Variants in MTF2 observed in about 807,000 individuals in gnomAD.
MTF2 encodes metal-response element-binding transcription factor 2.
Under a neutral mutation model 79.5 loss-of-function variants are expected in MTF2, and 11 were observed. That is an observed-to-expected ratio of 0.14 (90% CI 0.09 to 0.23). The LOEUF (loss-of-function observed/expected upper bound fraction) is 0.23, where lower values mean the gene tolerates loss of function less well. Among genes scored for constraint, MTF2 ranks in the 10% least tolerant of loss-of-function variants. MTF2 has a pLI of 1.00. For synonymous variants in MTF2, 208 were observed against 232.8 expected, an observed-to-expected ratio of 0.89 and a Z score of 0.97; for missense variants, 486 against 711.2, an observed-to-expected ratio of 0.68 and a Z score of 3.60.
chr1:93,090,666 T>G (rs1310735448), intron 1 of MTF2, among the ~76,000 whole-genome samples: 1 of 143,902 alleles, frequency 6.9e-6, no homozygotes, highest in Non-Finnish European at 1.6e-5. Context: ...TTTTCCTAGT[T>G]TTTTTTTTTT....
At position 93,137,184 on chromosome 1, in the gene MTF2, A is replaced by G. The variant is rs183827997; in HGVS notation, c.*157A>G. ...ATACTAGCCTTAACATGTACCTGTC[A>G]ATGTTATGGATATTGTCATAAAAAG... On this transcript the variant is annotated 3_prime_UTR_variant, in exon 15 of 15. Transcript: ENST00000370298. 213 of 541,074 alleles carry G rather than the reference A, an allele frequency of 3.9e-4. No homozygotes were observed. Among genetic ancestry groups the G allele is most frequent in the African/African-American group, 2.9e-3 (154 of 53,410 alleles). 33.5% of individuals were successfully genotyped at this position (541,074 alleles called of 1,614,324 possible).
rs1334020681 is a variant in MTF2, at chr1:93,115,445, T to C, written c.484-25T>C. The stretch of plus-strand genomic sequence containing the variant: ...GTTTAAAATTTTAGCCTTCACTCTT[T>C]CACATTTTTTTCCCTCTAATGTAGA... On this transcript the variant is annotated intron_variant, in intron 5 of 14. Transcript: ENST00000370298. 4.0e-6 allele frequency: 6 copies of C among 1,509,700 alleles called. No homozygotes were observed. The East Asian group carries it at 7.0e-5, about 18-fold the overall frequency. The allele number at this position is 1,509,700 out of a possible 1,614,324, so 93.5% of individuals were successfully genotyped here. A position where few individuals can be genotyped will look rare whatever the true frequency, so the allele number is the denominator to read the frequency against.
chr1:93,102,909 A>G lies in MTF2; in HGVS notation c.6-7321A>G, dbSNP rs547590802. On this transcript the variant is annotated intron_variant, in intron 1 of 14. Transcript: ENST00000370298. The stretch of plus-strand genomic sequence containing the variant: ...CACTTTGGAAGGCCGAGGCGGGCAA[A>G]TCACGAGGTCAGGAGTTCAAGACCA... Among the ~76,000 whole-genome samples, 13 of 152,264 alleles carry G rather than the reference A, an allele frequency of 8.5e-5. No homozygotes were observed. In the South Asian group the frequency reaches 2.3e-3, roughly 27 times the overall value.
At chr1:93,092,337 G>C (rs1451037066) in intron 1 of MTF2, among the ~76,000 whole-genome samples, 2 of 151,952 alleles carry the variant, frequency 1.3e-5, no homozygotes, top group Admixed American at 6.5e-5. Flanking sequence ...CACTGCTTTT[G>C]GTTTGTCTTC....
At chr1:93,119,422 TAAAAG>T (rs1394413149) in intron 8 of MTF2, 21 bp downstream of exon 8, 3 of 1,546,932 alleles carry the variant, frequency 1.9e-6, no homozygotes, top group Non-Finnish European at 2.6e-6. Context: ...ACCTTTCTGT[TAAAAG>T]AAAGAAAAGC....
chr1:93,121,427 G>A lies in MTF2; in HGVS notation c.921+755G>A, dbSNP rs146750340. The A allele has an allele frequency of 1.6e-5, 14 of 901,804 alleles. No homozygotes were observed. In the East Asian group the frequency reaches 8.3e-4, roughly 54 times the overall value. The allele number at this position is 901,804 out of a possible 1,614,324, so 55.9% of individuals were successfully genotyped here. On this transcript the variant is annotated intron_variant, in intron 9 of 14. Transcript: ENST00000370298. ...ACTAAAAAATTTGTTTTATAATATGGAATTTGATATGTATATCTTAGTCAT... is the reference window on the plus strand; with the variant it reads ...ACTAAAAAATTTGTTTTATAATATGAAATTTGATATGTATATCTTAGTCAT...
chr1:93,099,842 GCA>G (rs780244543), intron 1 of MTF2, among the ~76,000 whole-genome samples: 4 of 152,076 alleles, frequency 2.6e-5, no homozygotes, highest in Non-Finnish European at 5.9e-5. Context: ...GAAACAGGAG[GCA>G]ACAAAGGGAT....
At chr1:93,100,565 C>T (rs1655490075) in intron 1 of MTF2, among the ~76,000 whole-genome samples, 1 of 152,160 alleles carries the variant, frequency 6.6e-6, no homozygotes, top group Non-Finnish European at 1.5e-5. Flanking sequence ...CCTCGGCCTC[C>T]CAAAGTGCTG....
At chr1:93,123,716 T>A (rs1239827640) in intron 9 of MTF2, among the ~76,000 whole-genome samples, 2 of 152,052 alleles carry the variant, frequency 1.3e-5, no homozygotes, top group African/African-American at 4.8e-5. Flanking sequence ...AATTACTTGC[T>A]GTAATCTTAC....
chr1:93,086,851 A>T (rs1051646989), intron 1 of MTF2, among the ~76,000 whole-genome samples: 2 of 152,206 alleles, frequency 1.3e-5, no homozygotes, highest in African/African-American at 4.8e-5. Context: ...TTGGGCAGAC[A>T]GCTACAGGTT....
intron 1 of MTF2, among the ~76,000 whole-genome samples, chr1:93,092,210 T>C (rs1355750441): frequency 6.6e-6 from 1 of 152,216 alleles, no homozygotes; most frequent in Non-Finnish European, 1.5e-5. Context: ...AGGATATTAA[T>C]TGGTTATTGA....
intron 1 of MTF2, among the ~76,000 whole-genome samples, chr1:93,086,580 A>G (rs1440672805): frequency 1.3e-5 from 2 of 151,670 alleles, no homozygotes; most frequent in East Asian, 3.9e-4. Flanking sequence ...GGTGGAAAAG[A>G]TCTTGGTTTG....
Position 93,079,351 on chromosome 1 carries a change from C to A in MTF2, c.-176C>A. On this transcript the variant is annotated 5_prime_UTR_variant, in exon 1 of 15. Transcript: ENST00000370298. Reference sequence around the variant, plus strand: ...GCTGTGTTTGAGGCCGGTGTAAGAACGCTCATTCTACCCCCAACCCTTGTC... The same window carrying A: ...GCTGTGTTTGAGGCCGGTGTAAGAAAGCTCATTCTACCCCCAACCCTTGTC... 1 of 721,686 alleles carries A rather than the reference C, an allele frequency of 1.4e-6. No individual in the cohort carries two copies. The highest frequency in any genetic ancestry group is 2.4e-6 in the Non-Finnish European group (1 of 415,914). The allele number at this position is 721,686 out of a possible 1,614,324, so 44.7% of individuals were successfully genotyped here. A position where few individuals can be genotyped will look rare whatever the true frequency, so the allele number is the denominator to read the frequency against.
chr1:93,119,386 G>A lies in MTF2; in HGVS notation c.782G>A (p.Arg261His), dbSNP rs1181678784. 2 of 1,600,884 alleles carry A rather than the reference G, an allele frequency of 1.2e-6. No homozygotes were observed. Among genetic ancestry groups the A allele is most frequent in the Middle Eastern group, 1.7e-4 (1 of 5,970 alleles). Residue 261 changes from arginine to histidine, a missense_variant, in exon 8 of 15, where the codon CGT becomes CAT. By Grantham distance (29) the Arg-to-His change is conservative. Coordinates refer to ENST00000370298, the MANE Select transcript of MTF2 (RefSeq NM_007358.4). ...AGTTCTGGACCAGAATACCTCAAACGTCTACCATTACAGTGGTAAGTGTGG... is the reference window on the plus strand; with the variant it reads ...AGTTCTGGACCAGAATACCTCAAACATCTACCATTACAGTGGTAAGTGTGG... ...VCSSGPEYLK[R>H]LPLQWVDIAH...
chr1:93,085,413 A>G (rs1157646205), intron 1 of MTF2, among the ~76,000 whole-genome samples: 1 of 150,174 alleles, frequency 6.7e-6, no homozygotes, highest in East Asian at 2.0e-4. Flanking sequence ...TCCTGACCTC[A>G]TGATGCGCCC....
chr1:93,085,133 A>G (rs1051258622), intron 1 of MTF2, among the ~76,000 whole-genome samples: 1 of 151,580 alleles, frequency 6.6e-6, no homozygotes, highest in Non-Finnish European at 1.5e-5. Flanking sequence ...ATTTCAAAGC[A>G]TTGTCATTAT....
chr1:93,113,913 T>C (rs767885442), intron 3 of MTF2, among the ~76,000 whole-genome samples: 1 of 152,170 alleles, frequency 6.6e-6, no homozygotes, highest in African/African-American at 2.4e-5. Flanking sequence ...AGGCTGTGTA[T>C]TGTGAATTTG....
Position 93,120,882 on chromosome 1 carries a change from G to A in MTF2, c.921+210G>A, listed in dbSNP as rs986659306. On this transcript the variant is annotated intron_variant, in intron 9 of 14. Transcript: ENST00000370298. Reference sequence around the variant, plus strand: ...TGTTGCCTGTTGACTCTGGAAATTTGTAGAAGGAGGAGGTATATTATTTGA... The same window carrying A: ...TGTTGCCTGTTGACTCTGGAAATTTATAGAAGGAGGAGGTATATTATTTGA... The A allele has an allele frequency of 8.0e-6, 10 of 1,251,392 alleles. No individual in the cohort carries two copies. The African/African-American group carries it at 1.6e-4, about 20-fold the overall frequency. 77.5% of individuals were successfully genotyped at this position (1,251,392 alleles called of 1,614,324 possible).
At chr1:93,112,451 G>A (rs1011041532) in intron 3 of MTF2, among the ~76,000 whole-genome samples, 1 of 152,122 alleles carries the variant, frequency 6.6e-6, no homozygotes, top group Non-Finnish European at 1.5e-5. Context: ...TTACATAAAT[G>A]TAAGAGGGTT....
Sources: gnomAD v4.1 joint callset for allele counts (sites outside exome capture counted in the v4.1 genomes callset) on GRCh38, gnomAD v4.1.1 for gene constraint, MANE v1.5 for transcripts, NCBI Gene and HGNC (gene_info 2026-07-23, HGNC 2026-07-21) for gene names.